The following FRYL variants were observed in gnomAD, a reference collection of about 807,000 sequenced individuals.
FRYL encodes the protein FRY like transcription coactivator.
A neutral mutation model predicts 351.2 loss-of-function variants in FRYL; 150 were observed. The ratio of observed to expected loss-of-function variants is 0.43; its 90% CI spans 0.37 to 0.49. The LOEUF is 0.49. Among genes scored for constraint, FRYL ranks in the 20% least tolerant of loss-of-function variants. FRYL has a pLI of 0.00. For missense variants in FRYL, 3,036 were observed against 3,619.3 expected (o/e 0.84, Z 4.13); for synonymous variants, 1,153 against 1,257.1 (o/e 0.92, Z 1.75).
chr4:48,737,377 T>C (rs1330593288), intron 1 of FRYL, among the ~76,000 whole-genome samples: 2 of 152,088 alleles, frequency 1.3e-5, no homozygotes, highest in South Asian at 2.1e-4. Context: ...AATTTGATAA[T>C]TGAGATTAAA....
chr4:48,676,780 A>C (rs1194343617), intron 3 of FRYL, among the ~76,000 whole-genome samples: 1 of 152,226 alleles, frequency 6.6e-6, no homozygotes, highest in African/African-American at 2.4e-5. Flanking sequence ...GGCCTATGTG[A>C]AATTCAAATG....
At chr4:48,544,537 T>C (rs1730928004) in intron 43 of FRYL, among the ~76,000 whole-genome samples, 1 of 152,230 alleles carries the variant, frequency 6.6e-6, no homozygotes, top group African/African-American at 2.4e-5. Flanking sequence ...AATACGCAAT[T>C]GTATTGTAAT....
intron 1 of FRYL, among the ~76,000 whole-genome samples, chr4:48,779,805 G>C (rs1409739969): frequency 6.6e-6 from 1 of 151,786 alleles, no homozygotes; most frequent in East Asian, 2.0e-4. Context: ...CGGCGCTGCC[G>C]GCGGAACCGC....
intron 3 of FRYL, among the ~76,000 whole-genome samples, chr4:48,676,314 C>A (rs1027131561): frequency 2.6e-5 from 4 of 152,150 alleles, no homozygotes; most frequent in African/African-American, 9.7e-5. Context: ...TGCAGCTTCA[C>A]TCCTGAGCCA....
At position 48,601,890 on chromosome 4, in the gene FRYL, A is replaced by C. The variant is rs982716721; in HGVS notation, c.1035+130T>G. The C allele has an allele frequency of 1.9e-5, 10 of 540,008 alleles. No individual in the cohort carries two copies. In the Admixed American group the frequency reaches 3.4e-4, roughly 18 times the overall value. The allele number at this position is 540,008 out of a possible 1,614,324, so 33.5% of individuals were successfully genotyped here. A position where few individuals can be genotyped will look rare whatever the true frequency, so the allele number is the denominator to read the frequency against. On this transcript the variant is annotated intron_variant, in intron 13 of 63. Transcript: ENST00000358350. Reference sequence around the variant, plus strand: ...GAAATACAGTAGGTATAAGAAAAGGAATGTGGCAAAGTGTTGCTATTCAAG... The same window carrying C: ...GAAATACAGTAGGTATAAGAAAAGGCATGTGGCAAAGTGTTGCTATTCAAG...
intron 1 of FRYL, among the ~76,000 whole-genome samples, chr4:48,751,670 A>G (rs1319135211): frequency 1.3e-5 from 2 of 152,192 alleles, no homozygotes; most frequent in African/African-American, 4.8e-5. Flanking sequence ...CATGAAAGGA[A>G]AAAAGGAATG....
chr4:48,559,851 A>C (rs1735067714), intron 33 of FRYL, among the ~76,000 whole-genome samples: 1 of 152,200 alleles, frequency 6.6e-6, no homozygotes, highest in African/African-American at 2.4e-5. Flanking sequence ...GTGAGATCAG[A>C]GCTTAAAGAA....
chr4:48,552,279 GTGTGTT>G (rs1419559856), intron 36 of FRYL, among the ~76,000 whole-genome samples: 2 of 141,552 alleles, frequency 1.4e-5, no homozygotes, highest in Admixed American at 1.4e-4. Context: ...GTGTGTGTGT[GTGTGTT>G]CAGACACACC....
chr4:48,653,629 A>G, intron 3 of FRYL: 1 of 863,260 alleles, frequency 1.2e-6, no homozygotes, highest in Non-Finnish European at 1.6e-6. Context: ...ATCTATTTGG[A>G]TTGGTCTGAA....
intron 3 of FRYL, among the ~76,000 whole-genome samples, chr4:48,641,957 G>GT (rs1224357922): frequency 3.3e-5 from 5 of 151,966 alleles, no homozygotes; most frequent in Admixed American, 3.3e-4. Flanking sequence ...TCATCCAATT[G>GT]TAACTTATTT....
chr4:48,715,727 C>G (rs1364525059), intron 1 of FRYL, among the ~76,000 whole-genome samples: 1 of 152,118 alleles, frequency 6.6e-6, no homozygotes, highest in Admixed American at 6.6e-5. Flanking sequence ...CAATGCCATC[C>G]CCATCAAGCT....
chr4:48,671,858 C>CAAAAAAAA lies in FRYL; in HGVS notation c.-81+12807_-81+12814dup, dbSNP rs1226492542. Among the ~76,000 whole-genome samples the CAAAAAAAA allele has an allele frequency of 5.1e-3, 113 of 22,368 alleles. 12 individuals carry two copies. Among genetic ancestry groups the CAAAAAAAA allele is most frequent in the Non-Finnish European group, 7.9e-3 (88 of 11,194 alleles). The allele number at this position is 22,368 out of a possible 152,430, so 14.7% of individuals were successfully genotyped here. On this transcript the variant is annotated intron_variant, in intron 3 of 63. Transcript: ENST00000358350. ...AGAGAGAGAGACTCCGTCTCAAAAA[C>CAAAAAAAA]AAAAAAAAAAAAAACAAAAAAAAAA... is the stretch of plus-strand genomic sequence containing the variant.
chr4:48,764,512 C>CA (rs1774745437), intron 1 of FRYL, among the ~76,000 whole-genome samples: 2 of 135,992 alleles, frequency 1.5e-5, no homozygotes, highest in South Asian at 4.7e-4. Context: ...GCCTGAACAA[C>CA]AAAGCGAGAC....
chr4:48,544,096 A>C, intron 43 of FRYL, 99 bp from the exon 44 acceptor site: 1 of 949,838 alleles, frequency 1.1e-6, no homozygotes, highest in Non-Finnish European at 1.6e-6. Flanking sequence ...CAGCTAGCAC[A>C]CTTCCTGGCT....
At chr4:48,604,763 A>G (rs987430459) in intron 11 of FRYL, among the ~76,000 whole-genome samples, 1 of 152,240 alleles carries the variant, frequency 6.6e-6, no homozygotes, top group African/African-American at 2.4e-5. Flanking sequence ...CGGCTGTCCT[A>G]GCAGGCTAAT....
chr4:48,551,729 G>A (rs1194142508), intron 36 of FRYL, 151 bp from the exon 37 acceptor site: 2 of 551,602 alleles, frequency 3.6e-6, no homozygotes, highest in African/African-American at 1.9e-5. Flanking sequence ...GACCAAAAGG[G>A]AAAGGACATA....
intron 17 of FRYL, among the ~76,000 whole-genome samples, chr4:48,590,363 G>A (rs1387905750): frequency 1.3e-5 from 2 of 151,784 alleles, no homozygotes; most frequent in South Asian, 2.1e-4. Context: ...GCACGCCTGT[G>A]GTCCCAGCGA....
intron 1 of FRYL, among the ~76,000 whole-genome samples, chr4:48,765,411 C>G (rs1379199087): frequency 1.3e-5 from 2 of 152,162 alleles, no homozygotes; most frequent in South Asian, 2.1e-4. Context: ...AAAGGACAGT[C>G]TCCTCAATAA....
At chr4:48,742,692 C>G (rs896013459) in intron 1 of FRYL, among the ~76,000 whole-genome samples, 2 of 152,208 alleles carry the variant, frequency 1.3e-5, no homozygotes, top group Non-Finnish European at 1.5e-5. Context: ...GGTACCATCA[C>G]TAGCCCCCAA....
Sources: gnomAD v4.1 joint callset for allele counts (sites outside exome capture counted in the v4.1 genomes callset) on GRCh38, gnomAD v4.1.1 for gene constraint, MANE v1.5 for transcripts, NCBI Gene and HGNC (gene_info 2026-07-23, HGNC 2026-07-21) for gene names.